Variants in FMNL2 observed in about 807,000 individuals in gnomAD.
FMNL2 encodes the protein formin-like protein 2.
A neutral mutation model predicts 130.2 loss-of-function variants in FMNL2; 51 were observed. The ratio of observed to expected loss-of-function variants is 0.39; its 90% CI spans 0.31 to 0.49. The LOEUF (loss-of-function observed/expected upper bound fraction) is 0.49. Among genes scored for constraint, FMNL2 ranks in the 20% least tolerant of loss-of-function variants. FMNL2 has a pLI of 0.85. For synonymous variants in FMNL2, 465 were observed against 467.1 expected, an observed-to-expected ratio of 1.00 and a Z score of 0.06; for missense variants, 977 against 1,316.2, an observed-to-expected ratio of 0.74 and a Z score of 3.99.
At chr2:152,516,997 T>C (rs573707434) in intron 1 of FMNL2, among the ~76,000 whole-genome samples, 1,656 of 7,850 alleles carry the variant, frequency 0.21, 36 homozygotes, top group Middle Eastern at 0.25. Context: ...TGTACAATTA[T>C]GGATAAAAAC....
At chr2:152,416,104 C>T (rs1291818172) in intron 1 of FMNL2, among the ~76,000 whole-genome samples, 1 of 147,990 alleles carries the variant, frequency 6.8e-6, no homozygotes, top group Non-Finnish European at 1.5e-5. Flanking sequence ...GATTGCAAAA[C>T]TACTTCTAGA....
At chr2:152,641,330 A>C (rs1445095096) in intron 25 of FMNL2, among the ~76,000 whole-genome samples, 2 of 152,226 alleles carry the variant, frequency 1.3e-5, no homozygotes, top group Non-Finnish European at 2.9e-5. Context: ...GTCAGTAGGT[A>C]CTTTAATTTG....
chr2:152,420,353 G>A lies in FMNL2; in HGVS notation c.117+84633G>A, dbSNP rs181762292. Among the ~76,000 whole-genome samples the A allele has an allele frequency of 2.8e-4, 43 of 152,288 alleles. No individual in the cohort carries two copies. In the East Asian group the frequency reaches 5.2e-3, roughly 18 times the overall value. On this transcript the variant is annotated intron_variant, in intron 1 of 25. Coordinates refer to ENST00000288670, the MANE Select transcript of FMNL2 (RefSeq NM_052905.4). ...TTTCTGTAGAGTTTCATTTGTAAAC[G>A]TGATTTTTAAGAGTACAAGCTGAAT...
intron 1 of FMNL2, among the ~76,000 whole-genome samples, chr2:152,459,268 C>A (rs181140488): frequency 1.1e-4 from 17 of 152,220 alleles, no homozygotes; most frequent in Admixed American, 7.2e-4. Flanking sequence ...ATGCAAAGAA[C>A]ACCCAAAGAT....
At chr2:152,532,669 A>G (rs1162229805) in intron 2 of FMNL2, among the ~76,000 whole-genome samples, 1 of 147,950 alleles carries the variant, frequency 6.8e-6, no homozygotes, top group African/African-American at 2.5e-5. Context: ...GTGGAGTGGC[A>G]TGATCTTGGC....
chr2:152,520,280 G>GA (rs1288428356), intron 1 of FMNL2, among the ~76,000 whole-genome samples: 7 of 141,226 alleles, frequency 5.0e-5, no homozygotes. Context: ...TGTCAGCTTT[G>GA]AGGGGGGGTG....
intron 1 of FMNL2, among the ~76,000 whole-genome samples, chr2:152,520,595 C>CAA (rs35601593): frequency 0.18 from 23,949 of 130,080 alleles, 2,479 homozygotes; most frequent in Non-Finnish European, 0.26. Context: ...AACCCCATCT[C>CAA]AAAAAAAAAA....
intron 1 of FMNL2, among the ~76,000 whole-genome samples, chr2:152,440,699 T>G (rs369327465): frequency 1.3e-5 from 2 of 152,164 alleles, no homozygotes; most frequent in East Asian, 3.9e-4. Context: ...AGAGAACACA[T>G]TCTTATTAGT....
intron 7 of FMNL2, among the ~76,000 whole-genome samples, chr2:152,576,476 A>G (rs1239628253): frequency 1.3e-5 from 2 of 152,188 alleles, no homozygotes; most frequent in African/African-American, 4.8e-5. Flanking sequence ...AAGTCATGTA[A>G]ATAGCCCTGT....
chr2:152,427,012 A>G (rs1687233315), intron 1 of FMNL2, among the ~76,000 whole-genome samples: 1 of 152,188 alleles, frequency 6.6e-6, no homozygotes, highest in Non-Finnish European at 1.5e-5. Context: ...TGTAATAGCG[A>G]GTCAGTGTTT....
chr2:152,394,923 A>G (rs971241756), intron 1 of FMNL2, among the ~76,000 whole-genome samples: 3 of 152,222 alleles, frequency 2.0e-5, no homozygotes, highest in East Asian at 1.9e-4. Flanking sequence ...ATTTGCAGGC[A>G]TGGCTTTCTT....
At chr2:152,591,220 A>G (rs1697421694) in intron 9 of FMNL2, among the ~76,000 whole-genome samples, 1 of 151,864 alleles carries the variant, frequency 6.6e-6, no homozygotes, top group South Asian at 2.1e-4. Context: ...CATATTGGCC[A>G]GACTGGTCTC....
At chr2:152,609,644 T>G (rs1167465111) in intron 10 of FMNL2, among the ~76,000 whole-genome samples, 1 of 152,186 alleles carries the variant, frequency 6.6e-6, no homozygotes, top group South Asian at 2.1e-4. Context: ...ATTTTTATTT[T>G]TTTATTTTTT....
intron 1 of FMNL2, among the ~76,000 whole-genome samples, chr2:152,340,751 G>A (rs972534684): frequency 2.0e-4 from 30 of 152,168 alleles, no homozygotes; most frequent in African/African-American, 7.0e-4. Flanking sequence ...GAGTGCAGTG[G>A]TGCAATATTG....
intron 1 of FMNL2, chr2:152,390,245 C>T: frequency 4.1e-6 from 6 of 1,452,514 alleles, no homozygotes; most frequent in Non-Finnish European, 5.8e-6. Flanking sequence ...TGGTGGACAT[C>T]CAGGGGCAGC....
intron 23 of FMNL2, among the ~76,000 whole-genome samples, chr2:152,638,162 G>A (rs1682779012): frequency 6.6e-6 from 1 of 152,148 alleles, no homozygotes; most frequent in African/African-American, 2.4e-5. Context: ...TTAAGGATGG[G>A]CACTCTCTGT....
chr2:152,363,577 C>G (rs921328446), intron 1 of FMNL2, among the ~76,000 whole-genome samples: 2 of 151,312 alleles, frequency 1.3e-5, no homozygotes, highest in African/African-American at 4.9e-5. Flanking sequence ...TTTTTTCCCC[C>G]CCAAGACAGA....
At chr2:152,609,357 C>A (rs954916823) in intron 10 of FMNL2, among the ~76,000 whole-genome samples, 3 of 152,146 alleles carry the variant, frequency 2.0e-5, no homozygotes, top group Non-Finnish European at 2.9e-5. Context: ...CAGAATCTAA[C>A]CATGTTTTCT....
intron 1 of FMNL2, among the ~76,000 whole-genome samples, chr2:152,430,698 C>A (rs148329649): frequency 2.6e-5 from 4 of 152,174 alleles, no homozygotes; most frequent in African/African-American, 9.6e-5. Flanking sequence ...CATGGTGAAA[C>A]CTCGTCTCTA....
Sources: gnomAD v4.1 joint callset for allele counts (sites outside exome capture counted in the v4.1 genomes callset) on GRCh38, gnomAD v4.1.1 for gene constraint, MANE v1.5 for transcripts, NCBI Gene and HGNC (gene_info 2026-07-23, HGNC 2026-07-21) for gene names.